The following RTL4 variants were observed in gnomAD, a reference collection of about 807,000 sequenced individuals.
The protein encoded by RTL4 is retrotransposon Gag like 4.
Under a neutral mutation model 5.3 loss-of-function variants are expected in RTL4, and 4 were observed. That is an observed-to-expected ratio of 0.75 (90% confidence interval 0.37 to 1.72). RTL4 has a LOEUF of 1.72. Among genes scored for constraint, RTL4 ranks in the 40% most tolerant of loss-of-function variants. The pLI is 0.04. For synonymous variants in RTL4, 98 were observed against 87.3 expected, an observed-to-expected ratio of 1.12 and a Z score of -0.68; for missense variants, 260 against 227.1, an observed-to-expected ratio of 1.14 and a Z score of -0.93.
At chrX:112,230,439 T>A in the RTL4 span, among the ~76,000 whole-genome samples, 1 of 112,213 alleles carries the variant, frequency 8.9e-6, no homozygotes, top group South Asian at 3.7e-4. Flanking sequence ...CCCCTTTCTT[T>A]GACTAGGAAA....
At chrX:112,115,084 A>G in the RTL4 span, among the ~76,000 whole-genome samples, 1 of 110,719 alleles carries the variant, frequency 9.0e-6, no homozygotes, top group East Asian at 2.9e-4. Flanking sequence ...AGTGTTTCCC[A>G]TCTGAAAGAA....
At chrX:112,455,669 C>G in exon 1 of RTL4, 1 of 1,180,598 alleles carries the variant, frequency 8.5e-7, no homozygotes, top group African/African-American at 1.8e-5. Flanking sequence ...TAAGAGGAGA[C>G]CAGGAAAGTC....
the RTL4 span, among the ~76,000 whole-genome samples, chrX:112,286,142 A>C: frequency 8.9e-6 from 1 of 112,137 alleles, no homozygotes; most frequent in African/African-American, 3.2e-5. Flanking sequence ...AGAAAACACT[A>C]ATTAAGAAAA....
the RTL4 span, among the ~76,000 whole-genome samples, chrX:112,345,934 G>T: frequency 3.5e-4 from 39 of 111,644 alleles, no homozygotes; most frequent in African/African-American, 5.8e-4. Context: ...AATGAAAAAG[G>T]ATGTTTATGA....
the RTL4 span, among the ~76,000 whole-genome samples, chrX:112,126,302 G>T: frequency 1.8e-5 from 2 of 112,220 alleles, no homozygotes; most frequent in African/African-American, 6.5e-5. Flanking sequence ...TACCTTAAAG[G>T]TACCTAAGTG....
the RTL4 span, among the ~76,000 whole-genome samples, chrX:112,305,374 AT>A: frequency 3.8e-5 from 4 of 103,963 alleles, no homozygotes; most frequent in Non-Finnish European, 7.8e-5. Context: ...TTATTTATTT[AT>A]TTTTTGAGAC....
chrX:112,214,858 G>A, the RTL4 span, among the ~76,000 whole-genome samples: 1 of 109,493 alleles, frequency 9.1e-6, no homozygotes, highest in East Asian at 2.9e-4. Context: ...GTGCGATCTT[G>A]GCTCACTGCA....
chrX:112,387,333 TTTAA>T, the RTL4 span, among the ~76,000 whole-genome samples: 1 of 108,074 alleles, frequency 9.3e-6, no homozygotes, highest in Non-Finnish European at 1.9e-5. Context: ...GCAGAAGCTC[TTTAA>T]TTAAGTCCCA....
the RTL4 span, among the ~76,000 whole-genome samples, chrX:112,097,375 C>T: frequency 1.7e-4 from 19 of 111,296 alleles, no homozygotes; most frequent in Non-Finnish European, 3.8e-5. Context: ...GTGGCTCAAG[C>T]CTGTAACCTG....
At chrX:112,375,018 A>G in the RTL4 span, among the ~76,000 whole-genome samples, 6 of 111,918 alleles carry the variant, frequency 5.4e-5, no homozygotes, top group Admixed American at 5.7e-4. Context: ...TTATACTAAT[A>G]CTTAGGAGGG....
chrX:112,114,876 C>G, the RTL4 span, among the ~76,000 whole-genome samples: 1 of 111,557 alleles, frequency 9.0e-6, no homozygotes, highest in Admixed American at 9.5e-5. Context: ...TGCCTTCCCT[C>G]TTACAGAAAA....
chrX:112,119,766 A>C, the RTL4 span, among the ~76,000 whole-genome samples: 15 of 111,632 alleles, frequency 1.3e-4, no homozygotes, highest in Non-Finnish European at 2.6e-4. Flanking sequence ...TTGTAATGGG[A>C]AAGAGCACCA....
At chrX:112,278,950 C>G in the RTL4 span, among the ~76,000 whole-genome samples, 2 of 111,203 alleles carry the variant, frequency 1.8e-5, no homozygotes, top group Non-Finnish European at 3.8e-5. Flanking sequence ...GCAATGAAAC[C>G]TTTGAAAATT....
At chrX:112,400,888 C>G in the RTL4 span, among the ~76,000 whole-genome samples, 1 of 111,104 alleles carries the variant, frequency 9.0e-6, no homozygotes, top group Non-Finnish European at 1.9e-5. Context: ...CTCAAGCTGC[C>G]TTGGTCTCCC....
At chrX:112,099,092 C>T in the RTL4 span, among the ~76,000 whole-genome samples, 2 of 111,950 alleles carry the variant, frequency 1.8e-5, no homozygotes, top group Non-Finnish European at 3.8e-5. Context: ...TCAGAGTGAA[C>T]AGGCAACCTA....
the RTL4 span, among the ~76,000 whole-genome samples, chrX:112,251,283 G>A: frequency 1.8e-5 from 2 of 111,374 alleles, no homozygotes; most frequent in Non-Finnish European, 1.9e-5. Context: ...TGCTTCTTGG[G>A]ACTTTGGCAA....
At chrX:112,304,508 CT>C in the RTL4 span, among the ~76,000 whole-genome samples, 2 of 110,795 alleles carry the variant, frequency 1.8e-5, no homozygotes, top group Non-Finnish European at 3.8e-5. Flanking sequence ...GGCAAGCCCC[CT>C]GGTCAAAGAA....
At chrX:112,431,423 G>A in the RTL4 span, among the ~76,000 whole-genome samples, 3 of 111,695 alleles carry the variant, frequency 2.7e-5, no homozygotes, top group Non-Finnish European at 5.7e-5. Context: ...TTACAAAAAT[G>A]TGGAAGCCCC....
the RTL4 span, among the ~76,000 whole-genome samples, chrX:112,299,888 A>ATG: frequency 2.7e-5 from 3 of 111,129 alleles, no homozygotes; most frequent in Non-Finnish European, 5.7e-5. Context: ...ATCATACTGT[A>ATG]TGTGTGTGTG....
Sources: allele counts gnomAD v4.1 joint callset (sites outside exome capture counted in the v4.1 genomes callset), GRCh38; gene constraint gnomAD v4.1.1; transcripts MANE v1.5; gene names NCBI Gene and HGNC (gene_info 2026-07-23, HGNC 2026-07-21).